Variants in MRPL14 observed in about 807,000 individuals in gnomAD.
MRPL14 encodes mitochondrial ribosomal protein L14, also known as large ribosomal subunit protein uL14m.
Under a neutral mutation model 10.9 loss-of-function variants are expected in MRPL14, and 8 were observed. The ratio of observed to expected loss-of-function variants is 0.74; its 90% CI spans 0.43 to 1.33. The LOEUF (loss-of-function observed/expected upper bound fraction) is 1.33. Among genes scored for constraint, MRPL14 ranks in the 40% most tolerant of loss-of-function variants. The pLI is 0.01. For missense variants in MRPL14, 179 were observed against 194.5 expected (o/e 0.92, Z 0.47); for synonymous variants, 82 against 74.1 (o/e 1.11, Z -0.54).
chr6:44,118,402 T>C (rs1476991241), intron 1 of MRPL14, among the ~76,000 whole-genome samples: 4 of 152,124 alleles, frequency 2.6e-5, no homozygotes, highest in African/African-American at 9.7e-5. Flanking sequence ...GATTAGAAAA[T>C]TGATATACAG....
At chr6:44,119,554 C>T (rs1776205413) in intron 1 of MRPL14, among the ~76,000 whole-genome samples, 1 of 152,008 alleles carries the variant, frequency 6.6e-6, no homozygotes, top group African/African-American at 2.4e-5. Flanking sequence ...ACTGACGTCA[C>T]ATGCACATTT....
rs759102135 is a variant in MRPL14 at position 44,113,623 on chromosome 6, G to T, written c.*220C>A. The T allele has an allele frequency of 2.1e-6, 1 of 466,342 alleles. No homozygotes were observed. Among genetic ancestry groups the T allele is most frequent in the South Asian group, 6.0e-5 (1 of 16,570 alleles). The allele number at this position is 466,342 out of a possible 1,614,324, so 28.9% of individuals were successfully genotyped here. ...AATGCTACCCCGTGTGGCCAGACTC[G>T]GGTAAGCCACCTTTCAACTGCTTCA... On this transcript the variant is annotated 3_prime_UTR_variant, in exon 3 of 3. Transcript: ENST00000372014.
chr6:44,114,189 G>A lies in MRPL14; in HGVS notation c.92C>T (p.Ala31Val), dbSNP rs755740698. Residue 31 changes from alanine (A) to valine (V), a missense_variant, in exon 3 of 3, where the codon GCG becomes GTG. Transcript: ENST00000372014. Reference sequence around the variant, plus strand: ...TCGTACCCGCGTCATCTTCTGAATCGCACTCAGACTCCCAGTGGTGCTGGT... The same window carrying A: ...TCGTACCCGCGTCATCTTCTGAATCACACTCAGACTCCCAGTGGTGCTGGT... ...HCFSTTGSLS[A>V]IQKMTRVRVV... The A allele has an allele frequency of 5.6e-6, 9 of 1,609,658 alleles. No individual in the cohort carries two copies. The highest frequency in any genetic ancestry group is 1.7e-5 in the Admixed American group (1 of 59,834).
intron 1 of MRPL14, among the ~76,000 whole-genome samples, chr6:44,119,358 T>A (rs1403164225): frequency 6.6e-6 from 1 of 151,862 alleles, no homozygotes; most frequent in Non-Finnish European, 1.5e-5. Context: ...GTGAAACCCT[T>A]CTCTACTAAA....
intron 1 of MRPL14, among the ~76,000 whole-genome samples, chr6:44,121,679 C>T (rs1174621437): frequency 6.6e-6 from 1 of 152,238 alleles, no homozygotes; most frequent in African/African-American, 2.4e-5. Context: ...GTGGCTTACG[C>T]CTATAATCCC....
intron 1 of MRPL14, among the ~76,000 whole-genome samples, chr6:44,124,971 G>A (rs1026903762): frequency 6.6e-6 from 1 of 152,102 alleles, no homozygotes; most frequent in Non-Finnish European, 1.5e-5. Flanking sequence ...GACATAAATG[G>A]AGCAAAATAG....
At chr6:44,114,610 T>C (rs958198662) in intron 2 of MRPL14, among the ~76,000 whole-genome samples, 5 of 151,062 alleles carry the variant, frequency 3.3e-5, no homozygotes, top group East Asian at 4.0e-4. Context: ...CACCATTCCC[T>C]AATTTTCTTT....
chr6:44,120,249 A>C (rs1473284238), intron 1 of MRPL14, among the ~76,000 whole-genome samples: 2 of 152,194 alleles, frequency 1.3e-5, no homozygotes, highest in Non-Finnish European at 2.9e-5. Context: ...CACTCACTGA[A>C]CCAATATTCA....
intron 1 of MRPL14, chr6:44,126,858 G>A (rs1471737470): frequency 2.0e-5 from 3 of 152,206 alleles, no homozygotes; most frequent in Non-Finnish European, 4.4e-5. Context: ...CCCCTGGCCT[G>A]GGGGAGGGCG....
At position 44,127,421 on chromosome 6, in the gene MRPL14, A is replaced by G. The variant is rs1187290157; in HGVS notation, c.-96T>C. Reference sequence around the variant, plus strand: ...CCTTCGCCCCACGCGGCCTCTTCCTAGCGCCTGCGCGCCAGGCCCAGCCCG... The same window carrying G: ...CCTTCGCCCCACGCGGCCTCTTCCTGGCGCCTGCGCGCCAGGCCCAGCCCG... On this transcript the variant is annotated 5_prime_UTR_variant, in exon 1 of 3. Transcript: ENST00000372014. The G allele has an allele frequency of 1.3e-5, 2 of 150,826 alleles. No homozygotes were observed. The highest frequency in any genetic ancestry group is 4.0e-4 in the East Asian group (2 of 5,054). 9.3% of individuals were successfully genotyped at this position (150,826 alleles called of 1,614,324 possible).
chr6:44,120,149 C>T (rs1469766682), intron 1 of MRPL14, among the ~76,000 whole-genome samples: 1 of 152,194 alleles, frequency 6.6e-6, no homozygotes, highest in African/African-American at 2.4e-5. Flanking sequence ...GACCCAGCTC[C>T]ACAAGCATCT....
rs745481968 is a variant in MRPL14 at position 44,114,188 on chromosome 6, C to T, written c.93G>A (p.Ala31=). 1.7e-5 allele frequency: 28 copies of T among 1,609,864 alleles called. No individual in the cohort carries two copies. The Middle Eastern group carries it at 5.0e-4, about 29-fold the overall frequency. The change falls in exon 3 of 3, where the codon GCG becomes GCA. Residue 31 remains alanine, a synonymous_variant. Transcript: ENST00000372014. The part of the protein sequence containing the change: ...HCFSTTGSLS[A]IQKMTRVRVV... ...CTCGTACCCGCGTCATCTTCTGAAT[C>T]GCACTCAGACTCCCAGTGGTGCTGG...
chr6:44,119,582 G>A (rs1776207961), intron 1 of MRPL14, among the ~76,000 whole-genome samples: 1 of 152,048 alleles, frequency 6.6e-6, no homozygotes, highest in African/African-American at 2.4e-5. Context: ...AGCCAATTCA[G>A]TGCTTGCTGA....
At chr6:44,114,874 G>A (rs1412823771) in intron 2 of MRPL14, among the ~76,000 whole-genome samples, 1 of 152,194 alleles carries the variant, frequency 6.6e-6, no homozygotes, top group Non-Finnish European at 1.5e-5. Context: ...CTCCCAAAGG[G>A]CTGAGATTAC....
intron 1 of MRPL14, among the ~76,000 whole-genome samples, chr6:44,117,968 T>C (rs1330175088): frequency 6.7e-6 from 1 of 149,532 alleles, no homozygotes; most frequent in Non-Finnish European, 1.5e-5. Flanking sequence ...ATTATGGGTG[T>C]GAGCCACCCA....
chr6:44,123,380 T>C (rs1207225046), intron 1 of MRPL14, among the ~76,000 whole-genome samples: 1 of 152,234 alleles, frequency 6.6e-6, no homozygotes, highest in African/African-American at 2.4e-5. Flanking sequence ...ATGTTCCACA[T>C]GCAGGGCAAG....
intron 1 of MRPL14, among the ~76,000 whole-genome samples, chr6:44,121,126 T>G (rs886258658): frequency 6.6e-6 from 1 of 152,142 alleles, no homozygotes; most frequent in Non-Finnish European, 1.5e-5. Flanking sequence ...ACTTCAGACC[T>G]AGTCTATATA....
intron 1 of MRPL14, among the ~76,000 whole-genome samples, chr6:44,122,380 G>C (rs556519184): frequency 5.3e-5 from 8 of 152,274 alleles, no homozygotes; most frequent in Admixed American, 1.3e-4. Flanking sequence ...ACCGCGCCCT[G>C]CCAGAGAGCT....
intron 2 of MRPL14, among the ~76,000 whole-genome samples, 156 bp downstream of exon 2, chr6:44,116,385 G>A (rs948658132): frequency 3.9e-5 from 6 of 152,064 alleles, no homozygotes; most frequent in African/African-American, 1.4e-4. Flanking sequence ...CCTGTGACCA[G>A]ACCAACCAGG....
Sources: gnomAD v4.1 joint callset for allele counts (sites outside exome capture counted in the v4.1 genomes callset) on GRCh38, gnomAD v4.1.1 for gene constraint, MANE v1.5 for transcripts, NCBI Gene and HGNC (gene_info 2026-07-23, HGNC 2026-07-21) for gene names.